The following ZNF362 variants were observed in gnomAD, a reference collection of about 807,000 sequenced individuals.
The protein encoded by ZNF362 is rotund homolog.
A neutral mutation model predicts 42.9 loss-of-function variants in ZNF362; 11 were observed. That is an observed-to-expected ratio of 0.26 (90% CI 0.16 to 0.42). ZNF362 has a LOEUF of 0.42. ZNF362 is among the 20% of genes least tolerant of loss of function. The probability of loss-of-function intolerance (pLI) is 1.00; values close to 1 mark genes in which losing one functional copy is unlikely to be tolerated. For synonymous variants in ZNF362, 255 were observed against 257.3 expected (o/e 0.99, Z 0.09); for missense variants, 362 against 576.2 (o/e 0.63, Z 3.81).
chr1:33,158,206 T>G, the ZNF362 span: 2 of 1,566,458 alleles, frequency 1.3e-6, no homozygotes, highest in Non-Finnish European at 8.8e-7. Flanking sequence ...TGGGCTGTGC[T>G]GGGACATGCC....
chr1:33,237,281 TAGCAC>T, the ZNF362 span, among the ~76,000 whole-genome samples: 4 of 152,324 alleles, frequency 2.6e-5, no homozygotes, highest in East Asian at 7.7e-4. Context: ...ATCTGGCACA[TAGCAC>T]AGTTTAATAG....
the ZNF362 span, chr1:33,141,762 G>T: frequency 6.0e-6 from 1 of 167,626 alleles, no homozygotes; most frequent in South Asian, 1.8e-4. Context: ...TAGGTTGATA[G>T]GTGCAGCAAA....
intron 1 of ZNF362, among the ~76,000 whole-genome samples, chr1:33,263,005 C>T (rs1028321854): frequency 2.0e-5 from 3 of 152,244 alleles, no homozygotes; most frequent in Non-Finnish European, 2.9e-5. Flanking sequence ...CAGCCACATG[C>T]CTGATCATCT....
At chr1:33,291,162 T>C in intron 6 of ZNF362, among the ~76,000 whole-genome samples, 1 of 152,358 alleles carries the variant, frequency 6.6e-6, no homozygotes, top group South Asian at 2.1e-4. Context: ...TGAATGGTAA[T>C]GCCTAGGTTT....
At chr1:33,252,859 G>T (rs1373204106), upstream of ZNF362, among the ~76,000 whole-genome samples, 1 of 152,174 alleles carries the variant, frequency 6.6e-6, no homozygotes, top group African/African-American at 2.4e-5. Context: ...GGGTTAATGG[G>T]CTGGAGCTGC....
At chr1:33,142,649 A>G in the ZNF362 span, 1 of 152,240 alleles carries the variant, frequency 6.6e-6, no homozygotes, top group Non-Finnish European at 1.5e-5. Context: ...TTGAGACTTG[A>G]CTTACAATTG....
chr1:33,295,306 G>T lies in ZNF362; in HGVS notation c.1146+1G>T. ...CATGTGTGGGCGGGCCTACACCTCG[G>T]TGAGTGCCGGTCGGCCTGTGCCCTG... On this transcript the variant is annotated splice_donor_variant, in intron 8 of 8. Coordinates refer to ENST00000539719, the MANE Select transcript of ZNF362 (RefSeq NM_152493.3). LOFTEE classifies it high-confidence loss of function. The T allele has an allele frequency of 6.2e-7, 1 of 1,613,686 alleles. No homozygotes were observed.
the ZNF362 span, chr1:33,159,828 C>T: frequency 9.9e-6 from 16 of 1,613,590 alleles, no homozygotes; most frequent in East Asian, 2.2e-5. The surrounding 1 kb of genome is among the most constrained non-coding windows in gnomAD (Gnocchi z 4.2). Context: ...TGTCGGTCAG[C>T]GTGCGGGCCG....
Position 33,291,205 on chromosome 1 carries a change from A to G in ZNF362, c.909-3732A>G, listed in dbSNP as rs1646075704. On this transcript the variant is annotated intron_variant, in intron 6 of 8. Coordinates refer to ENST00000539719, the MANE Select transcript of ZNF362 (RefSeq NM_152493.3). ...GGGTTTTTATGGTTTTAGGTCTAAC[A>G]TTTAAGTCTTTAATCCATCTTGAAT... 2.6e-5 allele frequency among the ~76,000 whole-genome samples: 4 copies of G among 152,090 alleles called. No homozygotes were observed. The South Asian group carries it at 6.2e-4, about 24-fold the overall frequency.
chr1:33,221,202 T>C, the ZNF362 span, among the ~76,000 whole-genome samples: 1 of 150,712 alleles, frequency 6.6e-6, no homozygotes, highest in South Asian at 2.1e-4. Flanking sequence ...ATCCTATCAA[T>C]CCCTCCGGAA....
At chr1:33,213,667 A>C in the ZNF362 span, among the ~76,000 whole-genome samples, 1 of 152,172 alleles carries the variant, frequency 6.6e-6, no homozygotes. Flanking sequence ...CAACATGGTG[A>C]AACCCCATCT....
intron 1 of ZNF362, among the ~76,000 whole-genome samples, chr1:33,263,529 G>C (rs1054471630): frequency 1.3e-5 from 2 of 151,974 alleles, no homozygotes; most frequent in Non-Finnish European, 1.5e-5. Flanking sequence ...TCCTGCCTCA[G>C]CCTCCAGAGT....
chr1:33,199,061 A>G, the ZNF362 span, among the ~76,000 whole-genome samples: 9 of 152,310 alleles, frequency 5.9e-5, no homozygotes, highest in East Asian at 1.9e-4. Flanking sequence ...GCAGCCTAAC[A>G]TATGTATATT....
At chr1:33,263,163 G>C (rs562273487) in intron 1 of ZNF362, among the ~76,000 whole-genome samples, 1 of 152,186 alleles carries the variant, frequency 6.6e-6, no homozygotes. Context: ...AATTCTAGCC[G>C]TTGCGCAGTG....
the ZNF362 span, among the ~76,000 whole-genome samples, chr1:33,184,040 T>G: frequency 2.2e-5 from 1 of 46,138 alleles, no homozygotes. Flanking sequence ...TGAAATGAAA[T>G]GAAAAAAAAA....
intron 2 of ZNF362, among the ~76,000 whole-genome samples, chr1:33,274,372 G>A (rs1038922021): frequency 1.3e-5 from 2 of 152,218 alleles, no homozygotes; most frequent in African/African-American, 4.8e-5. Flanking sequence ...ATTGTGCCTG[G>A]CACAAGAGAG....
chr1:33,234,301 A>T, the ZNF362 span, among the ~76,000 whole-genome samples: 1 of 152,134 alleles, frequency 6.6e-6, no homozygotes, highest in African/African-American at 2.4e-5. Context: ...GCCATGAAAG[A>T]TTGTTATATT....
At chr1:33,240,592 A>T in the ZNF362 span, among the ~76,000 whole-genome samples, 12 of 152,110 alleles carry the variant, frequency 7.9e-5, no homozygotes, top group Non-Finnish European at 1.8e-4. Flanking sequence ...GAGAATTCCC[A>T]GGTAGACATT....
chr1:33,208,637 G>T, the ZNF362 span, among the ~76,000 whole-genome samples: 10 of 152,102 alleles, frequency 6.6e-5, no homozygotes, highest in South Asian at 2.1e-4. Context: ...CCTTGAAGAG[G>T]TTCTTCACAT....
Sources: gnomAD v4.1 joint callset for allele counts (sites outside exome capture counted in the v4.1 genomes callset) on GRCh38, gnomAD v4.1.1 for gene constraint, Gnocchi (gnomAD v3.1) non-coding constraint, MANE v1.5 for transcripts, NCBI Gene and HGNC (gene_info 2026-07-23, HGNC 2026-07-21) for gene names.